CACNA1D: variants seen among roughly 807,000 people sequenced by gnomAD.
The protein encoded by CACNA1D is voltage-dependent L-type calcium channel subunit alpha-1D.
A neutral mutation model predicts 257.1 loss-of-function variants in CACNA1D; 55 were observed. The ratio of observed to expected loss-of-function variants is 0.21; its 90% CI spans 0.17 to 0.27. The LOEUF (loss-of-function observed/expected upper bound fraction) is 0.27. CACNA1D is among the 10% of genes least tolerant of loss of function. The probability of loss-of-function intolerance (pLI) is 1.00; values close to 1 mark genes in which losing one functional copy is unlikely to be tolerated. For synonymous variants in CACNA1D, 980 were observed against 1,014.9 expected (o/e 0.97, Z 0.65); for missense variants, 1,876 against 2,784.0 (o/e 0.67, Z 7.34).
At chr3:53,757,195 T>C (rs2095270914) in intron 29 of CACNA1D, among the ~76,000 whole-genome samples, 1 of 150,834 alleles carries the variant, frequency 6.6e-6, no homozygotes, top group Admixed American at 6.6e-5. Flanking sequence ...CTTTTCCACC[T>C]GCTGGAGAGA....
At chr3:53,532,815 A>T (rs893755367) in intron 3 of CACNA1D, among the ~76,000 whole-genome samples, 3 of 152,216 alleles carry the variant, frequency 2.0e-5, no homozygotes, top group Non-Finnish European at 4.4e-5. Flanking sequence ...CAGCAACCTC[A>T]GACTCCAGCC....
chr3:53,702,544 G>C, intron 8 of CACNA1D, 97 bp from the exon 9 acceptor site: 1 of 1,151,844 alleles, frequency 8.7e-7, no homozygotes, highest in East Asian at 2.3e-5. Flanking sequence ...AGTGCTGTGT[G>C]TCCTGCCCAC....
Position 53,789,462 on chromosome 3 carries a change from T to C in CACNA1D, c.4923+2510T>C, listed in dbSNP as rs748279530. 6.6e-5 allele frequency among the ~76,000 whole-genome samples: 10 copies of C among 152,258 alleles called. No homozygotes were observed. Among genetic ancestry groups the C allele is most frequent in the Non-Finnish European group, 1.3e-4 (9 of 68,042 alleles). On this transcript the variant is annotated intron_variant, in intron 40 of 47. Transcript: ENST00000350061. This position sits in a 1 kb window ranked among gnomAD's most constrained non-coding sequence, Gnocchi z 4.2. Reference sequence around the variant, plus strand: ...CATGTTTAATTAGCATGAGTAGGCTTTCGTTTCTGCGTGATGAAATACCGG... The same window carrying C: ...CATGTTTAATTAGCATGAGTAGGCTCTCGTTTCTGCGTGATGAAATACCGG...
chr3:53,536,592 C>T (rs1333408054), intron 3 of CACNA1D, among the ~76,000 whole-genome samples: 1 of 152,258 alleles, frequency 6.6e-6, no homozygotes, highest in Non-Finnish European at 1.5e-5. Flanking sequence ...CCCGGGCCAA[C>T]ACGGCCTTAT....
At chr3:53,792,867 G>A (rs939919258) in intron 40 of CACNA1D, among the ~76,000 whole-genome samples, 6 of 152,142 alleles carry the variant, frequency 3.9e-5, no homozygotes, top group African/African-American at 1.4e-4. Context: ...ATGGAAATGG[G>A]CCTAGCTCCC....
chr3:53,499,944 A>G (rs186544947), intron 2 of CACNA1D, among the ~76,000 whole-genome samples: 18 of 152,260 alleles, frequency 1.2e-4, no homozygotes, highest in African/African-American at 4.1e-4. Flanking sequence ...AGATTTTATA[A>G]TATTAGATGA....
At chr3:53,786,404 T>C in intron 39 of CACNA1D, 1 of 194,418 alleles carries the variant, frequency 5.1e-6, no homozygotes, top group Non-Finnish European at 1.1e-5. Context: ...GGACGGTTAA[T>C]TGCCCTTGAT....
At chr3:53,777,020 C>T in intron 37 of CACNA1D, 64 bp downstream of exon 37, 1 of 1,218,920 alleles carries the variant, frequency 8.2e-7, no homozygotes, top group Non-Finnish European at 1.2e-6. Flanking sequence ...TTAACAAACA[C>T]TTGTTAAGTG....
chr3:53,595,421 AC>A (rs1465438131), intron 3 of CACNA1D, among the ~76,000 whole-genome samples: 1 of 151,808 alleles, frequency 6.6e-6, no homozygotes, highest in Non-Finnish European at 1.5e-5. Context: ...CCCCCATCCC[AC>A]CCCTGGAACT....
chr3:53,612,477 A>G (rs1166675641), intron 3 of CACNA1D, among the ~76,000 whole-genome samples: 2 of 152,214 alleles, frequency 1.3e-5, no homozygotes, highest in Admixed American at 6.5e-5. Flanking sequence ...TTTGACTCTG[A>G]TAGTTGGAAA....
At chr3:53,650,060 T>C (rs2094072121) in intron 3 of CACNA1D, among the ~76,000 whole-genome samples, 1 of 152,178 alleles carries the variant, frequency 6.6e-6, no homozygotes, top group Non-Finnish European at 1.5e-5. Flanking sequence ...GCTGCTGGGA[T>C]GGATACTAGA....
intron 7 of CACNA1D, among the ~76,000 whole-genome samples, chr3:53,671,573 T>C (rs1345723506): frequency 6.6e-6 from 1 of 152,258 alleles, no homozygotes. Flanking sequence ...AGATCAACAA[T>C]TGCAGCCACA....
intron 20 of CACNA1D, among the ~76,000 whole-genome samples, chr3:53,737,207 T>C (rs1000500712): frequency 6.6e-6 from 1 of 151,916 alleles, no homozygotes; most frequent in Admixed American, 6.6e-5. Flanking sequence ...GGCTGAGGTA[T>C]GAGCAGTGAG....
chr3:53,503,695 G>A (rs1374342331), intron 3 of CACNA1D, among the ~76,000 whole-genome samples: 3 of 151,894 alleles, frequency 2.0e-5, no homozygotes, highest in African/African-American at 7.3e-5. Flanking sequence ...TACAGGAAAT[G>A]GATTAATCTT....
intron 3 of CACNA1D, among the ~76,000 whole-genome samples, chr3:53,598,394 G>A (rs1213728942): frequency 8.6e-5 from 13 of 151,372 alleles, no homozygotes; most frequent in Admixed American, 7.2e-4. Context: ...TAACCAACAT[G>A]GCACAACACC....
chr3:53,658,384 G>A (rs1269021545), intron 4 of CACNA1D, among the ~76,000 whole-genome samples: 1 of 152,216 alleles, frequency 6.6e-6, no homozygotes, highest in African/African-American at 2.4e-5. Flanking sequence ...GCCCCTTGCA[G>A]CCCTGCACTG....
intron 3 of CACNA1D, among the ~76,000 whole-genome samples, chr3:53,625,425 C>T (rs1228558139): frequency 1.3e-5 from 2 of 152,212 alleles, no homozygotes. Flanking sequence ...CATCATGCCT[C>T]TTGTCTCCAG....
chr3:53,665,542 C>T, intron 5 of CACNA1D, 118 bp from the exon 6 acceptor site: 1 of 811,128 alleles, frequency 1.2e-6, no homozygotes, highest in Non-Finnish European at 2.1e-6. Context: ...CTTTGAAATA[C>T]CTCTTTGAAT....
chr3:53,551,116 T>C (rs779963604), intron 3 of CACNA1D, among the ~76,000 whole-genome samples: 1 of 152,246 alleles, frequency 6.6e-6, no homozygotes, highest in Admixed American at 6.5e-5. Flanking sequence ...TTTAATTAGA[T>C]GACTGTTTTA....
Sources: allele counts gnomAD v4.1 joint callset (sites outside exome capture counted in the v4.1 genomes callset), GRCh38; gene constraint gnomAD v4.1.1; non-coding constraint Gnocchi (gnomAD v3.1); transcripts MANE v1.5; gene names NCBI Gene and HGNC (gene_info 2026-07-23, HGNC 2026-07-21).